ZNF678: variants seen among roughly 807,000 people sequenced by gnomAD.
ZNF678 encodes the protein zinc finger protein 678, also known as hypothetical protein MGC42493.
In ZNF678, 5 loss-of-function variants were observed where a neutral mutation model predicts 3.0. That is an observed-to-expected ratio of 1.69 (90% CI 0.88 to 3.56). The LOEUF is 3.56. Ranked by LOEUF, ZNF678 falls within the 30% of genes most tolerant of loss-of-function variation. ZNF678 has a pLI of 0.00. For synonymous variants in ZNF678, 218 were observed against 199.6 expected (o/e 1.09, Z -0.78); for missense variants, 593 against 605.0 (o/e 0.98, Z 0.21).
rs1417884750 is a variant in ZNF678 at position 227,638,442 on chromosome 1, A to T, written c.-163-8102A>T. Among the ~76,000 whole-genome samples the T allele has an allele frequency of 6.6e-6, 1 of 152,162 alleles. No individual in the cohort carries two copies. Among genetic ancestry groups the T allele is most frequent in the Non-Finnish European group, 1.5e-5 (1 of 68,040 alleles). ...GTGACTAGCAAGGAGGTGAGAAACG[A>T]TAGGCTTTAGGCCTACAAGAGCTGC... On this transcript the variant is annotated intron_variant, in intron 1 of 3. Coordinates refer to ENST00000343776, the MANE Select transcript of ZNF678 (RefSeq NM_001367909.1). This position sits in a 1 kb window ranked among gnomAD's most constrained non-coding sequence, Gnocchi z 4.2.
At chr1:227,620,412 TTC>T (rs574609337) in intron 1 of ZNF678, among the ~76,000 whole-genome samples, 86 of 152,328 alleles carry the variant, frequency 5.6e-4, no homozygotes, top group African/African-American at 1.9e-3. Flanking sequence ...CACACGTTCT[TTC>T]TCAGGCTGTG....
At chr1:227,619,270 T>C (rs1658214702) in intron 1 of ZNF678, among the ~76,000 whole-genome samples, 1 of 152,194 alleles carries the variant, frequency 6.6e-6, no homozygotes, top group Admixed American at 6.5e-5. Context: ...TTTTAATAAA[T>C]TGATAAACAG....
At chr1:227,609,681 C>T (rs1043638977) in intron 1 of ZNF678, among the ~76,000 whole-genome samples, 1 of 152,014 alleles carries the variant, frequency 6.6e-6, no homozygotes, top group Non-Finnish European at 1.5e-5. Flanking sequence ...AACCTTTAAA[C>T]AGCAAAAATA....
chr1:227,603,337 G>A (rs1306493987), intron 1 of ZNF678, among the ~76,000 whole-genome samples: 1 of 152,162 alleles, frequency 6.6e-6, no homozygotes, highest in Non-Finnish European at 1.5e-5. Context: ...GAAGTGCTAG[G>A]TGGTTCGCCT....
chr1:227,654,740 TG>T lies in ZNF678; in HGVS notation c.492del (p.Trp164CysfsTer5), dbSNP rs1372857725. 1.2e-6 allele frequency: 2 copies of T among 1,610,524 alleles called. No homozygotes were observed. The highest frequency in any genetic ancestry group is 1.7e-6 in the Non-Finnish European group (2 of 1,178,470). On this transcript the variant is annotated frameshift_variant, in exon 4 of 4. Transcript: ENST00000343776. LOFTEE classifies it low-confidence loss of function (END_TRUNC). ...TGACGAATGTGGCAAAGTTTTTAAT[TG>T]GTGGTCACAACTAACTAACCATAAG... is the stretch of plus-strand genomic sequence containing the variant. Reference protein sequence around the residue: ...KCDECGKVFNWWSQLTNHKKI... With the variant: ...KCDECGKVFNXWSQLTNHKKI...
intron 1 of ZNF678, among the ~76,000 whole-genome samples, chr1:227,625,558 AG>A (rs1658390460): frequency 1.3e-5 from 2 of 152,214 alleles, no homozygotes; most frequent in Non-Finnish European, 2.9e-5. Context: ...AGGAGGTTAA[AG>A]ATACAGGGAT....
chr1:227,678,059 G>T (rs929618492), downstream of ZNF678, among the ~76,000 whole-genome samples: 2 of 152,152 alleles, frequency 1.3e-5, no homozygotes, highest in Non-Finnish European at 2.9e-5. Context: ...CCTCCCATTT[G>T]CCTGGGACTA....
chr1:227,581,291 A>G (rs147015422), intron 1 of ZNF678, among the ~76,000 whole-genome samples: 42 of 152,148 alleles, frequency 2.8e-4, no homozygotes, highest in African/African-American at 8.9e-4. Flanking sequence ...AAATTCTGCA[A>G]CATACCTAGG....
In ZNF678 at chr1:227,623,269, T is replaced by C. The variant is rs1026714249; in HGVS notation, c.-163-23275T>C. ...ATTTAATCAGTGAATAATAGCACTGTCTATGGAAGGAATGCAGAAAGTAGT... is the reference window on the plus strand; with the variant it reads ...ATTTAATCAGTGAATAATAGCACTGCCTATGGAAGGAATGCAGAAAGTAGT... On this transcript the variant is annotated intron_variant, in intron 1 of 3. Coordinates refer to ENST00000343776, the MANE Select transcript of ZNF678 (RefSeq NM_001367909.1). Among the ~76,000 whole-genome samples the C allele has an allele frequency of 3.9e-5, 6 of 152,244 alleles. No individual in the cohort carries two copies. In the South Asian group the frequency reaches 6.2e-4, roughly 16 times the overall value.
At chr1:227,666,115 C>T (rs6426471), downstream of ZNF678, among the ~76,000 whole-genome samples, 33,061 of 152,072 alleles carry the variant, frequency 0.22, 4,011 homozygotes, top group African/African-American at 0.32. Flanking sequence ...AGTTATCTGA[C>T]GTATATTGCA....
At chr1:227,646,936 C>T (rs1658974708) in intron 2 of ZNF678, among the ~76,000 whole-genome samples, 1 of 152,182 alleles carries the variant, frequency 6.6e-6, no homozygotes, top group South Asian at 2.1e-4. Context: ...GTTGCCCACA[C>T]CTCAAAATCT....
rs879203816 is a variant in ZNF678, at chr1:227,655,180, T to A, written c.930T>A (p.Arg310=). The A allele has an allele frequency of 6.2e-7, 1 of 1,602,218 alleles. No individual in the cohort carries two copies. The change falls in exon 4 of 4, where the codon CGT becomes CGA. Residue 310 remains arginine (R), a synonymous_variant. Coordinates refer to ENST00000343776, the MANE Select transcript of ZNF678 (RefSeq NM_001367909.1). ...TTACACAGTTTGCAAGCCTTACTCGTCATAAAAGAATTCATACTGGAGAAA... is the reference window on the plus strand; with the variant it reads ...TTACACAGTTTGCAAGCCTTACTCGACATAAAAGAATTCATACTGGAGAAA... ...KAFTQFASLT[R]HKRIHTGEKP...
chr1:227,598,224 G>GA (rs1194030263), intron 1 of ZNF678, among the ~76,000 whole-genome samples: 1 of 152,172 alleles, frequency 6.6e-6, no homozygotes, highest in African/African-American at 2.4e-5. Context: ...CACTGGAAGA[G>GA]AAAAAAACAG....
intron 1 of ZNF678, among the ~76,000 whole-genome samples, chr1:227,604,302 T>C (rs1048509722): frequency 5.9e-5 from 9 of 152,232 alleles, no homozygotes; most frequent in African/African-American, 2.2e-4. Flanking sequence ...ATCAGCAGTT[T>C]GTGAGGGTTC....
chr1:227,636,611 T>C (rs66471275), intron 1 of ZNF678, among the ~76,000 whole-genome samples: 34,764 of 152,162 alleles, frequency 0.23, 4,339 homozygotes, highest in East Asian at 0.44. Context: ...ATTTGTCCCT[T>C]TGCCATCTTT....
intron 1 of ZNF678, among the ~76,000 whole-genome samples, chr1:227,611,767 C>T (rs895431769): frequency 1.3e-5 from 2 of 152,144 alleles, no homozygotes; most frequent in African/African-American, 4.8e-5. Flanking sequence ...CTTCTCAAGA[C>T]ACAGTTGGTT....
At chr1:227,569,848 A>G (rs1216453948) in intron 1 of ZNF678, among the ~76,000 whole-genome samples, 1 of 152,236 alleles carries the variant, frequency 6.6e-6, no homozygotes, top group Admixed American at 6.5e-5. Flanking sequence ...GAATGGTCAT[A>G]ATATAGACTT....
chr1:227,577,940 A>G (rs538890752), intron 1 of ZNF678, among the ~76,000 whole-genome samples: 1 of 152,116 alleles, frequency 6.6e-6, no homozygotes, highest in Non-Finnish European at 1.5e-5. Flanking sequence ...GGTGGTAATC[A>G]ATTCCCTCAG....
chr1:227,667,777 C>T (rs533783793), intron 5 of ZNF678, among the ~76,000 whole-genome samples: 7 of 152,132 alleles, frequency 4.6e-5, no homozygotes, highest in African/African-American at 1.7e-4. Context: ...TAAATATACC[C>T]CGAACTTATT....
Sources: gnomAD v4.1 joint callset for allele counts (sites outside exome capture counted in the v4.1 genomes callset) on GRCh38, gnomAD v4.1.1 for gene constraint, Gnocchi (gnomAD v3.1) non-coding constraint, MANE v1.5 for transcripts, NCBI Gene and HGNC (gene_info 2026-07-23, HGNC 2026-07-21) for gene names.